Variants in TTC14 observed in about 807,000 individuals in gnomAD.
The protein encoded by TTC14 is tetratricopeptide repeat domain 14, also known as tetratricopeptide repeat protein 14.
Under a neutral mutation model 79.9 loss-of-function variants are expected in TTC14, and 63 were observed. That is an observed-to-expected ratio of 0.79 (90% CI 0.64 to 0.97). TTC14 has a LOEUF of 0.97. Among genes scored for constraint, TTC14 ranks in the 50% least tolerant of loss-of-function variants. TTC14 has a pLI of 0.00. For missense variants in TTC14, 895 were observed against 894.0 expected (o/e 1.00, Z -0.01); for synonymous variants, 335 against 309.6 (o/e 1.08, Z -0.86).
intron 1 of TTC14, 24 bp downstream of exon 1, chr3:180,602,446 C>T (rs770057338): frequency 6.3e-7 from 1 of 1,582,002 alleles, no homozygotes; most frequent in Non-Finnish European, 8.5e-7. Flanking sequence ...GGTGCCACTG[C>T]GCCACGGAAG....
At position 180,604,239 on chromosome 3, in the gene TTC14, A is replaced by T; in HGVS notation, c.501A>T (p.Leu167Phe). 1 of 1,613,398 alleles carries T rather than the reference A, an allele frequency of 6.2e-7. No individual in the cohort carries two copies. Among genetic ancestry groups the T allele is most frequent in the Non-Finnish European group, 8.5e-7 (1 of 1,179,600 alleles). The change falls in exon 4 of 12, where the codon TTA becomes TTT. Residue 167 changes from leucine to phenylalanine, a missense_variant. Transcript: ENST00000296015. ...AHLEITALCP[L>F]RDVPSHSNHG... ...TCTCATTACAGGCTCTTTGTCCCTT[A>T]AGAGATGTGCCTTCTCACAGTAACC...
Position 180,609,944 on chromosome 3 carries a change from A to C in TTC14, c.1715A>C (p.Lys572Thr), listed in dbSNP as rs1560075719. ...TTACAGTATGAAAAGACACAGATAAAAGAGAAAGATAGATGCCCTCTCTCT... is the reference window on the plus strand; with the variant it reads ...TTACAGTATGAAAAGACACAGATAACAGAGAAAGATAGATGCCCTCTCTCT... ...DRLQYEKTQIKEKDRCPLSSS... is the reference protein window; with the variant it reads ...DRLQYEKTQITEKDRCPLSSS... Residue 572 changes from lysine (K) to threonine (T), a missense_variant, in exon 12 of 12, where the codon AAA becomes ACA. Lys to Thr is a moderately conservative substitution (Grantham distance 78, BLOSUM62 -1). Coordinates refer to ENST00000296015, the MANE Select transcript of TTC14 (RefSeq NM_133462.4). 3 of 1,614,058 alleles carry C rather than the reference A, an allele frequency of 1.9e-6. No homozygotes were observed. The highest frequency in any genetic ancestry group is 1.1e-5 in the South Asian group (1 of 91,076).
intron 12 of TTC14, chr3:180,616,803 C>T: frequency 6.2e-7 from 1 of 1,602,504 alleles, no homozygotes; most frequent in Non-Finnish European, 8.5e-7. Flanking sequence ...TATGAAAGGT[C>T]AGTTTTTAAA....
chr3:180,610,604 A>G lies in TTC14; in HGVS notation c.*62A>G. The G allele has an allele frequency of 2.0e-6, 3 of 1,510,118 alleles. No homozygotes were observed. Among genetic ancestry groups the G allele is most frequent in the East Asian group, 2.3e-5 (1 of 43,874 alleles). 93.5% of individuals were successfully genotyped at this position (1,510,118 alleles called of 1,614,324 possible). On this transcript the variant is annotated 3_prime_UTR_variant, in exon 12 of 12. Transcript: ENST00000296015. The stretch of plus-strand genomic sequence containing the variant: ...ATTAAGTGAAGTTTTTGGTTGTATT[A>G]GTCATAACAGTTGAGTGCAGAAATC...
intron 10 of TTC14, chr3:180,608,490 C>T: frequency 9.1e-7 from 1 of 1,099,338 alleles, no homozygotes; most frequent in East Asian, 5.7e-5. Flanking sequence ...CAATATGGTC[C>T]TCAATGCTGT....
At chr3:180,611,819 G>A (rs1717004410), downstream of TTC14, among the ~76,000 whole-genome samples, 1 of 152,208 alleles carries the variant, frequency 6.6e-6, no homozygotes. Context: ...AGAGGTCTAA[G>A]TGAGGGAGAA....
In TTC14 at chr3:180,609,989, C is replaced by T. The variant is rs369369904; in HGVS notation, c.1760C>T (p.Pro587Leu). Residue 587 changes from proline (P) to leucine (L), a missense_variant, in exon 12 of 12, where the codon CCG (proline) becomes CTG (leucine). Coordinates refer to ENST00000296015, the MANE Select transcript of TTC14 (RefSeq NM_133462.4). ...CPLSSSSLEI[P>L]DDFGGRSEDP... ...CTCTCTTCATCTTCACTTGAAATAC[C>T]GGATGATTTTGGAGGTAGGTCTGAA... 6.2e-6 allele frequency: 10 copies of T among 1,613,706 alleles called. No homozygotes were observed. The highest frequency in any genetic ancestry group is 1.7e-5 in the Admixed American group (1 of 59,978).
intron 10 of TTC14, 54 bp downstream of exon 10, chr3:180,607,819 C>A (rs1480162056): frequency 1.9e-6 from 3 of 1,591,180 alleles, no homozygotes; most frequent in Non-Finnish European, 2.6e-6. Flanking sequence ...AATGCCCAAA[C>A]TTAATTTTCT....
At chr3:180,607,848 A>G in intron 10 of TTC14, 83 bp downstream of exon 10, 1 of 1,565,688 alleles carries the variant, frequency 6.4e-7, no homozygotes, top group African/African-American at 1.4e-5. Flanking sequence ...AAACTATTCT[A>G]CATTACTTAA....
Position 180,602,919 on chromosome 3 carries a change from A to G in TTC14, c.190A>G (p.Ile64Val). ...AGAGAAGAGAGTTGACAACATCGAG[A>G]TACAGAAATTCATCTCCAAAAAAGC... is the stretch of plus-strand genomic sequence containing the variant. ...RKEKRVDNIE[I>V]QKFISKKADL... Residue 64 changes from isoleucine to valine, a missense_variant, in exon 2 of 12, where the codon ATA becomes GTA. Coordinates refer to ENST00000296015, the MANE Select transcript of TTC14 (RefSeq NM_133462.4). 1 of 1,613,338 alleles carries G rather than the reference A, an allele frequency of 6.2e-7. No homozygotes were observed. The highest frequency in any genetic ancestry group is 2.2e-5 in the East Asian group (1 of 44,860).
intron 3 of TTC14, chr3:180,603,698 G>T (rs1042561249): frequency 8.2e-6 from 2 of 244,672 alleles, no homozygotes; most frequent in Admixed American, 5.2e-5. Flanking sequence ...TTGGAGAGAA[G>T]TTTCATTTAT....
rs140860833 is a variant in TTC14 at position 180,610,050 on chromosome 3, A to G, written c.1821A>G (p.Gln607=). Residue 607 remains glutamine (Q), a synonymous_variant, in exon 12 of 12, where the codon CAA becomes CAG. Coordinates refer to ENST00000296015, the MANE Select transcript of TTC14 (RefSeq NM_133462.4). ...PRDFYNSYKT[Q]AGSSKTEKPY... is the part of the protein sequence containing the mutation. Reference sequence around the variant, plus strand: ...ATTTTTATAACAGCTATAAAACCCAAGCAGGTAGTAGCAAAACAGAAAAGC... The same window carrying G: ...ATTTTTATAACAGCTATAAAACCCAGGCAGGTAGTAGCAAAACAGAAAAGC... The G allele has an allele frequency of 3.7e-6, 6 of 1,613,942 alleles. No homozygotes were observed. The African/African-American group carries it at 6.7e-5, about 18-fold the overall frequency.
chr3:180,610,578 C>T lies in TTC14; in HGVS notation c.*36C>T. 3.3e-6 allele frequency: 5 copies of T among 1,522,212 alleles called. No individual in the cohort carries two copies. The highest frequency in any genetic ancestry group is 4.4e-6 in the Non-Finnish European group (5 of 1,142,866). The allele number at this position is 1,522,212 out of a possible 1,614,324, so 94.3% of individuals were successfully genotyped here. A position where few individuals can be genotyped will look rare whatever the true frequency, so the allele number is the denominator to read the frequency against. On this transcript the variant is annotated 3_prime_UTR_variant, in exon 12 of 12. Coordinates refer to ENST00000296015, the MANE Select transcript of TTC14 (RefSeq NM_133462.4). Reference sequence around the variant, plus strand: ...ATATCGGCACCATTACACAAAATGCCATTAAGTGAAGTTTTTGGTTGTATT... The same window carrying T: ...ATATCGGCACCATTACACAAAATGCTATTAAGTGAAGTTTTTGGTTGTATT...
In TTC14 at chr3:180,616,537, G is replaced by T. The variant is rs780932724; in HGVS notation, c.1775-843G>T. On this transcript the variant is annotated intron_variant, in intron 12 of 12. Coordinates refer to the TTC14 transcript ENST00000382584. ...TTACCTGTTGAAAGTATGTTTGAAG[G>T]ATAATACGGATCTCAGTATTTTCTT... is the stretch of plus-strand genomic sequence containing the variant. The T allele has an allele frequency of 8.4e-5, 133 of 1,575,498 alleles. No individual in the cohort carries two copies. The East Asian group carries it at 3.0e-3, about 35-fold the overall frequency.
chr3:180,605,775 C>T lies in TTC14; in HGVS notation c.867C>T (p.Phe289=), dbSNP rs578155735. The change falls in exon 7 of 12, where the codon TTC becomes TTT. Residue 289 remains phenylalanine (F), a synonymous_variant. Coordinates refer to ENST00000296015, the MANE Select transcript of TTC14 (RefSeq NM_133462.4). ...TTATTTTCTTTAATAGCAAAAATTT[C>T]TCTGAAGATGATTTTGCTTCTGCAT... ...SLMRGLQSKN[F]SEDDFASALR... is the part of the protein sequence containing the mutation. The T allele has an allele frequency of 2.8e-5, 44 of 1,565,938 alleles. No homozygotes were observed. In the East Asian group the frequency reaches 1.0e-3, roughly 37 times the overall value.
At chr3:180,616,204 G>A (rs993398982) in intron 12 of TTC14, 2 of 1,223,068 alleles carry the variant, frequency 1.6e-6, no homozygotes, top group African/African-American at 3.0e-5. Context: ...AACAGCTGCG[G>A]TGATGTAGAA....
At position 180,603,332 on chromosome 3, in the gene TTC14, T is replaced by G; in HGVS notation, c.486+9T>G. ...CCCACTTAGAAATCACAGTAAGTTA[T>G]TTTTGTTACTTGGATTGCTTCTGTT... On this transcript the variant is annotated intron_variant, in intron 3 of 11. Coordinates refer to ENST00000296015, the MANE Select transcript of TTC14 (RefSeq NM_133462.4). The G allele has an allele frequency of 6.2e-7, 1 of 1,609,804 alleles. No individual in the cohort carries two copies. Among genetic ancestry groups the G allele is most frequent in the Non-Finnish European group, 8.5e-7 (1 of 1,176,158 alleles).
At chr3:180,613,039 A>G (rs1181827613), downstream of TTC14, among the ~76,000 whole-genome samples, 1 of 152,228 alleles carries the variant, frequency 6.6e-6, no homozygotes, top group African/African-American at 2.4e-5. Flanking sequence ...GATATCTCTC[A>G]TCAGTCAGAA....
chr3:180,614,818 A>C, downstream of TTC14: 2 of 1,044,090 alleles, frequency 1.9e-6, no homozygotes, highest in South Asian at 1.8e-5. Flanking sequence ...CTTACCACTA[A>C]GTTTTTACAC....
Sources: allele counts gnomAD v4.1 joint callset (sites outside exome capture counted in the v4.1 genomes callset), GRCh38; gene constraint gnomAD v4.1.1; transcripts MANE v1.5; gene names NCBI Gene and HGNC (gene_info 2026-07-23, HGNC 2026-07-21).